The following NCKAP1 variants were observed in gnomAD, a reference collection of about 807,000 sequenced individuals.
The protein encoded by NCKAP1 is NCK associated protein 1, also known as nck-associated protein 1.
In NCKAP1, 21 loss-of-function variants were observed where a neutral mutation model predicts 151.2. The ratio of observed to expected loss-of-function variants is 0.14; its 90% CI spans 0.10 to 0.20. The LOEUF (loss-of-function observed/expected upper bound fraction) is 0.20. NCKAP1 is among the 10% of genes least tolerant of loss of function. The pLI is 1.00. For synonymous variants in NCKAP1, 484 were observed against 451.8 expected, an observed-to-expected ratio of 1.07 and a Z score of -0.90; for missense variants, 933 against 1,352.1, an observed-to-expected ratio of 0.69 and a Z score of 4.86.
intron 25 of NCKAP1, 82 bp from the exon 26 acceptor site, chr2:182,934,914 T>G (rs535381764): frequency 2.1e-5 from 14 of 658,856 alleles, no homozygotes; most frequent in Non-Finnish European, 3.5e-5. Flanking sequence ...AATTGATTAA[T>G]TTTAGTTTTC....
In NCKAP1 at chr2:182,915,353, A is replaced by G. The variant is rs1348936308; in HGVS notation, c.*10349T>C. On this transcript the variant is annotated 3_prime_UTR_variant, in exon 31 of 31. Coordinates refer to ENST00000361354, the MANE Select transcript of NCKAP1 (RefSeq NM_013436.5). ...AGAATAGTTGAGAGTTGAGTGATCTATCCTTCAAACTACAGGCATGATATT... is the reference window on the plus strand; with the variant it reads ...AGAATAGTTGAGAGTTGAGTGATCTGTCCTTCAAACTACAGGCATGATATT... The G allele has an allele frequency of 1.3e-5, 2 of 152,210 alleles. No individual in the cohort carries two copies. The highest frequency in any genetic ancestry group is 2.9e-5 in the Non-Finnish European group (2 of 68,050). 9.4% of individuals were successfully genotyped at this position (152,210 alleles called of 1,614,324 possible).
At chr2:183,011,763 A>G (rs1158640676) in intron 2 of NCKAP1, among the ~76,000 whole-genome samples, 1 of 152,192 alleles carries the variant, frequency 6.6e-6, no homozygotes, top group African/African-American at 2.4e-5. Flanking sequence ...TTCTCTTCGG[A>G]TAAGTCCCAG....
chr2:182,981,213 CAAAAGGG>C (rs1242826569), intron 13 of NCKAP1, 24 bp downstream of exon 13: 1 of 1,600,406 alleles, frequency 6.2e-7, no homozygotes, highest in Non-Finnish European at 8.5e-7. Flanking sequence ...AAGGAAGGAA[CAAAAGGG>C]AAATAGTATG....
chr2:183,014,373 G>A (rs551714815), intron 2 of NCKAP1, among the ~76,000 whole-genome samples: 3 of 152,212 alleles, frequency 2.0e-5, no homozygotes, highest in African/African-American at 7.2e-5. Flanking sequence ...GGGAAAGAGA[G>A]ACTATTCCAG....
intron 20 of NCKAP1, among the ~76,000 whole-genome samples, chr2:182,953,636 A>G (rs1006347230): frequency 1.3e-5 from 2 of 152,084 alleles, no homozygotes; most frequent in African/African-American, 4.8e-5. Flanking sequence ...CCTTGTCTCC[A>G]CTAAAAATAC....
chr2:182,947,300 C>T (rs961791473), intron 23 of NCKAP1: 8 of 152,230 alleles, frequency 5.3e-5, no homozygotes, highest in African/African-American at 1.2e-4. Context: ...CACCCCTACC[C>T]CGAAGTTAGA....
In NCKAP1 at chr2:182,995,707, G is replaced by A. The variant is rs200320828; in HGVS notation, c.735C>T (p.Ser245=). 38 of 1,613,154 alleles carry A rather than the reference G, an allele frequency of 2.4e-5. No individual in the cohort carries two copies. The African/African-American group carries it at 3.1e-4, about 13-fold the overall frequency. Residue 245 remains serine, a synonymous_variant, in exon 7 of 31, where the codon TCC becomes TCT. Coordinates refer to ENST00000361354, the MANE Select transcript of NCKAP1 (RefSeq NM_013436.5). ...APSTMLNPAQ[S]DTMPCEYLSL... is the part of the protein sequence containing the mutation. ...GAGAAAAATAGAACCATACAGTGTC[G>A]GACTGTGCTGGATTAAGCATTGTAC...
rs1234777627 is a variant in NCKAP1 at position 182,923,459 on chromosome 2, G to A, written c.*2243C>T. ...GGGTAATTTTTGTATTTTTAGTAGT[G>A]TCAGGGTTTTGCCATGTTGGCCAGG... On this transcript the variant is annotated 3_prime_UTR_variant, in exon 31 of 31. Transcript: ENST00000361354. 1.3e-5 allele frequency: 2 copies of A among 152,120 alleles called. No individual in the cohort carries two copies. The highest frequency in any genetic ancestry group is 3.9e-4 in the East Asian group (2 of 5,182). 9.4% of individuals were successfully genotyped at this position (152,120 alleles called of 1,614,324 possible).
intron 6 of NCKAP1, among the ~76,000 whole-genome samples, chr2:182,999,656 T>C (rs908525168): frequency 6.6e-6 from 1 of 152,274 alleles, no homozygotes; most frequent in South Asian, 2.1e-4. Flanking sequence ...ACTGGGTAGA[T>C]GCTCAAAGGA....
chr2:182,928,274 T>C (rs1227024792), intron 28 of NCKAP1, 48 bp from the exon 29 acceptor site: 2 of 1,302,120 alleles, frequency 1.5e-6, no homozygotes, highest in African/African-American at 1.5e-5. Context: ...TAGCAAATAA[T>C]ACATAGAAGG....
At chr2:182,934,880 C>T in intron 25 of NCKAP1, 48 bp from the exon 26 acceptor site, 1 of 876,640 alleles carries the variant, frequency 1.1e-6, no homozygotes, top group Non-Finnish European at 1.7e-6. Context: ...TAAATGGCAA[C>T]CCCTAAATTT....
intron 6 of NCKAP1, among the ~76,000 whole-genome samples, chr2:183,000,177 A>C (rs1417182719): frequency 6.6e-6 from 1 of 152,232 alleles, no homozygotes; most frequent in African/African-American, 2.4e-5. Context: ...TGGCAAATAA[A>C]AAATAGTGTT....
intron 1 of NCKAP1, among the ~76,000 whole-genome samples, chr2:183,034,289 AAG>A (rs1699060755): frequency 6.6e-6 from 1 of 152,152 alleles, no homozygotes; most frequent in African/African-American, 2.4e-5. Flanking sequence ...TAGGGAAAAA[AAG>A]AAAAATATTC....
At chr2:182,965,869 C>A (rs1697560006) in intron 16 of NCKAP1, among the ~76,000 whole-genome samples, 1 of 152,096 alleles carries the variant, frequency 6.6e-6, no homozygotes, top group Admixed American at 6.6e-5. Flanking sequence ...CTGGGCTCCA[C>A]ATAATCTTAA....
Position 182,981,226 on chromosome 2 carries a change from G to A in NCKAP1, c.1341+18C>T, listed in dbSNP as rs772183512. ...GGAAGGAAGGAACAAAAGGGAAATA[G>A]TATGAGATAGTTTTTACCTGCACGA... On this transcript the variant is annotated intron_variant, in intron 13 of 30. Coordinates refer to ENST00000361354, the MANE Select transcript of NCKAP1 (RefSeq NM_013436.5). 38 of 1,610,142 alleles carry A rather than the reference G, an allele frequency of 2.4e-5. No individual in the cohort carries two copies. Among genetic ancestry groups the A allele is most frequent in the Non-Finnish European group, 2.2e-5 (26 of 1,178,210 alleles).
At chr2:183,036,928 G>T (rs1186547852) in intron 1 of NCKAP1, among the ~76,000 whole-genome samples, 2 of 151,990 alleles carry the variant, frequency 1.3e-5, no homozygotes, top group Non-Finnish European at 2.9e-5. Flanking sequence ...AAATAGTTAT[G>T]AAGGTATGAC....
chr2:183,024,573 A>C (rs1031984277), intron 1 of NCKAP1, among the ~76,000 whole-genome samples: 10 of 152,224 alleles, frequency 6.6e-5, no homozygotes, highest in Admixed American at 6.5e-5. Flanking sequence ...TCAGCAGTAC[A>C]GCATTCTCTG....
intron 24 of NCKAP1, among the ~76,000 whole-genome samples, chr2:182,940,697 C>T (rs1413101508): frequency 1.3e-5 from 2 of 152,214 alleles, no homozygotes; most frequent in Admixed American, 6.5e-5. Context: ...GCCTTGGCTC[C>T]CAATGTGCTG....
In NCKAP1 at chr2:183,033,402, C is replaced by G. The variant is rs1699043016; in HGVS notation, c.108+4590G>C. On this transcript the variant is annotated intron_variant, in intron 1 of 30. Coordinates refer to ENST00000361354, the MANE Select transcript of NCKAP1 (RefSeq NM_013436.5). The stretch of plus-strand genomic sequence containing the variant: ...CAAAACCAAGTACAAATGTGACTCT[C>G]CTCTTTACCATCTCTCCCAGATTAT... 2.0e-5 allele frequency among the ~76,000 whole-genome samples: 3 copies of G among 152,168 alleles called. No individual in the cohort carries two copies. The South Asian group carries it at 6.2e-4, about 32-fold the overall frequency.
Sources: allele counts gnomAD v4.1 joint callset (sites outside exome capture counted in the v4.1 genomes callset), GRCh38; gene constraint gnomAD v4.1.1; transcripts MANE v1.5; gene names NCBI Gene and HGNC (gene_info 2026-07-23, HGNC 2026-07-21).